Variants in CAND1 observed in about 807,000 individuals in gnomAD.
CAND1 encodes the protein cullin associated and neddylation dissociated 1.
A neutral mutation model predicts 108.5 loss-of-function variants in CAND1; 7 were observed. The ratio of observed to expected loss-of-function variants is 0.06; its 90% CI spans 0.04 to 0.12. The LOEUF (loss-of-function observed/expected upper bound fraction) is 0.12, where lower values mean the gene tolerates loss of function less well. Among genes scored for constraint, CAND1 ranks in the 10% least tolerant of loss-of-function variants. CAND1 has a pLI of 1.00. For missense variants in CAND1, 941 were observed against 1,448.7 expected, an observed-to-expected ratio of 0.65 and a Z score of 5.69; for synonymous variants, 534 against 512.0, an observed-to-expected ratio of 1.04 and a Z score of -0.58.
In CAND1 at chr12:67,314,080, C is replaced by G. The variant is rs1179005692; in HGVS notation, c.*1250C>G. The G allele has an allele frequency of 6.6e-6, 1 of 152,230 alleles. No individual in the cohort carries two copies. The highest frequency in any genetic ancestry group is 6.5e-5 in the Admixed American group (1 of 15,278). The allele number at this position is 152,230 out of a possible 1,614,324, so 9.4% of individuals were successfully genotyped here. On this transcript the variant is annotated 3_prime_UTR_variant, in exon 15 of 15. Coordinates refer to ENST00000545606, the MANE Select transcript of CAND1 (RefSeq NM_018448.5). ...GCTCATTTCACACTGTAGCCTCTTC[C>G]TTAAAATTTGTGGTGCTCCTGTAAC... is the stretch of plus-strand genomic sequence containing the variant.
Position 67,313,034 on chromosome 12 carries a change from G to A in CAND1, c.*204G>A. The A allele has an allele frequency of 2.1e-6, 1 of 469,284 alleles. No homozygotes were observed. Among genetic ancestry groups the A allele is most frequent in the East Asian group, 3.4e-5 (1 of 29,668 alleles). The allele number at this position is 469,284 out of a possible 1,614,324, so 29.1% of individuals were successfully genotyped here. ...GAAATGTGTATTTCCATAATCCAGA[G>A]GTTGTAAAACCACTAGTGTTTTAGT... On this transcript the variant is annotated 3_prime_UTR_variant, in exon 15 of 15. Coordinates refer to ENST00000545606, the MANE Select transcript of CAND1 (RefSeq NM_018448.5).
At chr12:67,300,242 A>G (rs939216415) in intron 7 of CAND1, among the ~76,000 whole-genome samples, 10 of 150,392 alleles carry the variant, frequency 6.6e-5, no homozygotes, top group African/African-American at 2.5e-4. Context: ...CACCCTGACC[A>G]CTGTACTTAG....
At position 67,280,905 on chromosome 12, in the gene CAND1, G is replaced by C. The variant is rs373422196; in HGVS notation, c.69-1005G>C. On this transcript the variant is annotated intron_variant, in intron 1 of 14. Coordinates refer to ENST00000545606, the MANE Select transcript of CAND1 (RefSeq NM_018448.5). ...GGGAGGGGAGGTGGGCGATGTCAGG[G>C]GGAAGAGCTACTTTTTAGAATCACC... is the stretch of plus-strand genomic sequence containing the variant. Among the ~76,000 whole-genome samples, 175 of 152,026 alleles carry C rather than the reference G, an allele frequency of 1.2e-3. 1 individual carries two copies. The highest frequency in any genetic ancestry group is 4.1e-3 in the African/African-American group (171 of 41,452).
intron 10 of CAND1, 45 bp from the exon 11 acceptor site, chr12:67,307,352 T>A (rs1280954581): frequency 7.3e-7 from 1 of 1,365,044 alleles, no homozygotes; most frequent in Non-Finnish European, 1.0e-6. Flanking sequence ...TCCGTGAGTT[T>A]TAGTGGACTA....
chr12:67,315,450 C>CAAAAAAAAAAA lies in CAND1; in HGVS notation c.*2630_*2640dup, dbSNP rs35359125. 1.6e-5 allele frequency: 1 copy of CAAAAAAAAAAA among 64,400 alleles called. No individual in the cohort carries two copies. The allele number at this position is 64,400 out of a possible 1,614,324, so 4.0% of individuals were successfully genotyped here. A position where few individuals can be genotyped will look rare whatever the true frequency, so the allele number is the denominator to read the frequency against. The stretch of plus-strand genomic sequence containing the variant: ...TGGGCAACAGAGCGAGAGTCTGTCT[C>CAAAAAAAAAAA]AAAAAAAAAAAAAAAAAAAAGGCAG... On this transcript the variant is annotated 3_prime_UTR_variant, in exon 15 of 15. Coordinates refer to ENST00000545606, the MANE Select transcript of CAND1 (RefSeq NM_018448.5).
At chr12:67,270,782 A>AAAG (rs2044513941) in intron 1 of CAND1, 6 of 151,788 alleles carry the variant, frequency 4.0e-5, no homozygotes, top group Admixed American at 3.9e-4. Context: ...AAAAAAAAAA[A>AAAG]AAAAGAAAAA....
intron 8 of CAND1, 32 bp downstream of exon 8, chr12:67,302,647 G>A (rs752401261): frequency 6.4e-7 from 1 of 1,564,888 alleles, no homozygotes; most frequent in African/African-American, 1.4e-5. Flanking sequence ...AGAAAATCAT[G>A]ATAGTAAATG....
At chr12:67,297,279 C>T in intron 4 of CAND1, 128 bp from the exon 5 acceptor site, 1 of 870,610 alleles carries the variant, frequency 1.1e-6, no homozygotes, top group South Asian at 1.4e-5. Context: ...TTTTCTTTCA[C>T]TATGAATTAG....
At position 67,309,889 on chromosome 12, in the gene CAND1, G is replaced by C; in HGVS notation, c.3026-12G>C. 1 of 1,578,124 alleles carries C rather than the reference G, an allele frequency of 6.3e-7. No homozygotes were observed. Among genetic ancestry groups the C allele is most frequent in the Non-Finnish European group, 8.6e-7 (1 of 1,160,318 alleles). Reference sequence around the variant, plus strand: ...ATCATGTCTGTCTGTTGCTTTTCTTGTAATATTTCAGGTGATTTCCTAAAA... The same window carrying C: ...ATCATGTCTGTCTGTTGCTTTTCTTCTAATATTTCAGGTGATTTCCTAAAA... On this transcript the variant is annotated splice_polypyrimidine_tract_variant and intron_variant, in intron 11 of 14. Coordinates refer to ENST00000545606, the MANE Select transcript of CAND1 (RefSeq NM_018448.5).
In CAND1 at chr12:67,319,153, C is replaced by T. The variant is rs2045036274; in HGVS notation, c.*6323C>T. 1.3e-5 allele frequency: 2 copies of T among 152,246 alleles called. No individual in the cohort carries two copies. Among genetic ancestry groups the T allele is most frequent in the Non-Finnish European group, 2.9e-5 (2 of 68,076 alleles). The allele number at this position is 152,246 out of a possible 1,614,324, so 9.4% of individuals were successfully genotyped here. ...GCATTAATTCCCAGTCCTTCCTCTA[C>T]ACAGCTGCAAAACAATGGTCCTGAC... On this transcript the variant is annotated 3_prime_UTR_variant, in exon 15 of 15. Transcript: ENST00000545606.
rs1305891172 is a variant in CAND1, at chr12:67,318,815, TGA to T, written c.*5989_*5990del. On this transcript the variant is annotated 3_prime_UTR_variant, in exon 15 of 15. Transcript: ENST00000545606. ...GGAAGCACCATAAAATTCTGCTGTATGAGAGGTATACACGGGATACTGGGGGT... is the reference window on the plus strand; with the variant it reads ...GGAAGCACCATAAAATTCTGCTGTATGAGGTATACACGGGATACTGGGGGT... 3.9e-5 allele frequency: 6 copies of T among 152,220 alleles called. No individual in the cohort carries two copies. The highest frequency in any genetic ancestry group is 1.4e-4 in the African/African-American group (6 of 41,434). 9.4% of individuals were successfully genotyped at this position (152,220 alleles called of 1,614,324 possible).
chr12:67,276,430 G>C (rs962158283), intron 1 of CAND1, among the ~76,000 whole-genome samples: 1 of 152,152 alleles, frequency 6.6e-6, no homozygotes, highest in Non-Finnish European at 1.5e-5. Flanking sequence ...ACACACTTTA[G>C]GGTATCAGAG....
chr12:67,293,118 T>G (rs2136005548), intron 3 of CAND1: 3 of 237,478 alleles, frequency 1.3e-5, no homozygotes, highest in Non-Finnish European at 2.4e-5. Flanking sequence ...GCATCCTGAT[T>G]AGTTCACTGT....
rs1172596790 is a variant in CAND1 at position 67,306,435 on chromosome 12, G to A, written c.2767G>A (p.Val923Met). 10 of 1,614,032 alleles carry A rather than the reference G, an allele frequency of 6.2e-6. No individual in the cohort carries two copies. The South Asian group carries it at 1.1e-4, about 18-fold the overall frequency. ...LKEIISSASV[V>M]GLKPYVENIW... The stretch of plus-strand genomic sequence containing the variant: ...GGAAATTATTAGCTCTGCATCAGTG[G>A]TGGGCCTTAAACCATATGTTGAAAA... The change falls in exon 10 of 15, where the codon GTG becomes ATG. Residue 923 changes from valine (V) to methionine (M), a missense_variant. Val to Met is a conservative substitution (Grantham distance 21). This residue lies in a region of CAND1 where 106 missense variants were observed against 182.0 expected (regional missense o/e 0.58). Transcript: ENST00000545606.
rs1312211436 is a variant in CAND1 at position 67,314,103 on chromosome 12, A to G, written c.*1273A>G. 6.6e-6 allele frequency: 1 copy of G among 152,246 alleles called. No individual in the cohort carries two copies. Among genetic ancestry groups the G allele is most frequent in the Non-Finnish European group, 1.5e-5 (1 of 68,006 alleles). The allele number at this position is 152,246 out of a possible 1,614,324, so 9.4% of individuals were successfully genotyped here. The stretch of plus-strand genomic sequence containing the variant: ...TCCTTAAAATTTGTGGTGCTCCTGT[A>G]ACAGTAAGAACTAATTCTGAAATAA... On this transcript the variant is annotated 3_prime_UTR_variant, in exon 15 of 15. Transcript: ENST00000545606.
At chr12:67,312,076 A>C (rs937984571) in intron 14 of CAND1, among the ~76,000 whole-genome samples, 1 of 152,120 alleles carries the variant, frequency 6.6e-6, no homozygotes, top group Non-Finnish European at 1.5e-5. Context: ...ATCAGGCCAC[A>C]AAAGAGGAAA....
chr12:67,278,232 C>T (rs1446237612), intron 1 of CAND1, among the ~76,000 whole-genome samples: 1 of 152,104 alleles, frequency 6.6e-6, no homozygotes, highest in African/African-American at 2.4e-5. Flanking sequence ...CACTGCCCGG[C>T]TTCAAGCGAC....
chr12:67,306,649 C>T lies in CAND1; in HGVS notation c.2929+52C>T, dbSNP rs781289052. On this transcript the variant is annotated intron_variant, in intron 10 of 14. Transcript: ENST00000545606. The stretch of plus-strand genomic sequence containing the variant: ...AAAGTTTTTTATTGATAGTTGGTTG[C>T]CTTAAAAGACACCTAATAAAGAAGT... 7 of 1,344,894 alleles carry T rather than the reference C, an allele frequency of 5.2e-6. No homozygotes were observed. In the South Asian group the frequency reaches 1.0e-4, roughly 19 times the overall value. The allele number at this position is 1,344,894 out of a possible 1,614,324, so 83.3% of individuals were successfully genotyped here.
chr12:67,274,856 A>G (rs2044554585), intron 1 of CAND1, among the ~76,000 whole-genome samples: 1 of 152,244 alleles, frequency 6.6e-6, no homozygotes, highest in Non-Finnish European at 1.5e-5. Context: ...TCAGGTTTTC[A>G]GAGCTGGAAG....
Sources: allele counts gnomAD v4.1 joint callset (sites outside exome capture counted in the v4.1 genomes callset), GRCh38; gene constraint gnomAD v4.1.1; regional missense constraint gnomAD v4.1.1; transcripts MANE v1.5; gene names NCBI Gene and HGNC (gene_info 2026-07-23, HGNC 2026-07-21).